The following FXR2 variants were observed in gnomAD, a reference collection of about 807,000 sequenced individuals.
FXR2 encodes the protein FMR1 autosomal homolog 2, also known as RNA-binding protein FXR2.
In FXR2, 9 loss-of-function variants were observed where a neutral mutation model predicts 87.3. The ratio of observed to expected loss-of-function variants is 0.10; its 90% CI spans 0.06 to 0.18. The LOEUF is 0.18. FXR2 is among the 10% of genes least tolerant of loss of function. The pLI is 1.00. For missense variants in FXR2, 661 were observed against 893.6 expected, an observed-to-expected ratio of 0.74 and a Z score of 3.32; for synonymous variants, 331 against 328.3, an observed-to-expected ratio of 1.01 and a Z score of -0.09.
chr17:7,602,117 T>C (rs2071761739), intron 6 of FXR2, among the ~76,000 whole-genome samples: 1 of 150,824 alleles, frequency 6.6e-6, no homozygotes, highest in Non-Finnish European at 1.5e-5. Flanking sequence ...AACATGATTA[T>C]CAGGTTTAAA....
At chr17:7,610,031 C>T (rs1214418714) in intron 1 of FXR2, among the ~76,000 whole-genome samples, 2 of 116,562 alleles carry the variant, frequency 1.7e-5, no homozygotes, top group African/African-American at 7.3e-5. Context: ...TATATGTATA[C>T]ATGTATGTAT....
intron 5 of FXR2, 56 bp from the exon 6 acceptor site, chr17:7,603,058 C>A (rs927398874): frequency 2.3e-6 from 2 of 858,174 alleles, no homozygotes; most frequent in Non-Finnish European, 3.9e-6. Flanking sequence ...GTGAAGAGTT[C>A]GGGGGAGGCT....
chr17:7,607,209 T>C (rs1310777673), intron 1 of FXR2, among the ~76,000 whole-genome samples: 1 of 151,680 alleles, frequency 6.6e-6, no homozygotes. Context: ...TCCCAGCTAT[T>C]TGGGAGGCTG....
Position 7,614,562 on chromosome 17 carries a change from C to A in FXR2, c.-30G>T, listed in dbSNP as rs1209295753. 1.4e-6 allele frequency: 2 copies of A among 1,403,750 alleles called. No homozygotes were observed. The highest frequency in any genetic ancestry group is 9.3e-7 in the Non-Finnish European group (1 of 1,069,638). The allele number at this position is 1,403,750 out of a possible 1,614,324, so 87.0% of individuals were successfully genotyped here. On this transcript the variant is annotated 5_prime_UTR_variant, in exon 1 of 17. Transcript: ENST00000250113. ...CCGCCACCGCCTCCGACTCCCCCGG[C>A]GGCGGCTGCAGCAGCAGTCTGAGTG...
Position 7,595,516 on chromosome 17 carries a change from G to A in FXR2, c.831+308C>T, listed in dbSNP as rs541415183. On this transcript the variant is annotated intron_variant, in intron 8 of 16. Transcript: ENST00000250113. This position sits in a 1 kb window ranked among gnomAD's most constrained non-coding sequence, Gnocchi z 4.7. ...AGGGTCTCTCTATGTTGTCCAGGTT[G>A]TTCTCCAACTCCCAGGCTCAAGTGA... 6.6e-6 allele frequency among the ~76,000 whole-genome samples: 1 copy of A among 151,876 alleles called. No homozygotes were observed. The highest frequency in any genetic ancestry group is 1.5e-5 in the Non-Finnish European group (1 of 67,968).
Position 7,614,589 on chromosome 17 carries a change from G to C in FXR2, c.-57C>G, listed in dbSNP as rs2071926240. 2.6e-6 allele frequency: 3 copies of C among 1,157,720 alleles called. No individual in the cohort carries two copies. The highest frequency in any genetic ancestry group is 2.1e-5 in the South Asian group (1 of 48,724). 71.7% of individuals were successfully genotyped at this position (1,157,720 alleles called of 1,614,324 possible). On this transcript the variant is annotated 5_prime_UTR_variant, in exon 1 of 17. Coordinates refer to ENST00000250113, the MANE Select transcript of FXR2 (RefSeq NM_004860.4). ...GCGGCTGCAGCAGCAGTCTGAGTGC[G>C]GGCCGGGCCAGGCCCCCGGCGTCTC... is the stretch of plus-strand genomic sequence containing the variant.
rs199635219 is a variant in FXR2 at position 7,593,049 on chromosome 17, C to T, written c.1463G>A (p.Arg488Gln). 21 of 1,583,048 alleles carry T rather than the reference C, an allele frequency of 1.3e-5. No homozygotes were observed. The highest frequency in any genetic ancestry group is 3.5e-5 in the South Asian group (3 of 86,672). The stretch of plus-strand genomic sequence containing the variant: ...GGGGGCAGGTGGGGGTCCCCTACCC[C>T]GGCCCCCAGTCGGCCGCCTCCGGCT... ...EESRRRPTGG[R>Q]GRGPPPAPRP... is the part of the protein sequence containing the mutation. The change falls in exon 13 of 17, where the codon CGG becomes CAG. Residue 488 changes from arginine (R) to glutamine (Q), a missense_variant. By Grantham distance (43) the Arg-to-Gln change is conservative. Transcript: ENST00000250113. The surrounding 1 kb of genome is among the most constrained non-coding windows in gnomAD (Gnocchi z 6.1).
chr17:7,613,054 G>T (rs2071887443), intron 1 of FXR2, among the ~76,000 whole-genome samples: 1 of 148,158 alleles, frequency 6.7e-6, no homozygotes, highest in Admixed American at 6.7e-5. Context: ...CTGAAGTACA[G>T]GCAGAAACCA....
intron 3 of FXR2, 66 bp downstream of exon 3, chr17:7,605,579 A>C: frequency 1.2e-6 from 1 of 843,518 alleles, no homozygotes; most frequent in South Asian, 1.5e-5. Context: ...ACATGAACCA[A>C]CCAGAGAAAA....
chr17:7,595,134 CAAAT>C lies in FXR2; in HGVS notation c.832-381_832-378del, dbSNP rs578172007. On this transcript the variant is annotated intron_variant, in intron 8 of 16. Coordinates refer to ENST00000250113, the MANE Select transcript of FXR2 (RefSeq NM_004860.4). The surrounding 1 kb of genome is among the most constrained non-coding windows in gnomAD (Gnocchi z 4.7). ...CATCTCATAAAAAAAAAAAATTAAACAAATAAATAACTTAAAAAAAAAAACAGAG... is the reference window on the plus strand; with the variant it reads ...CATCTCATAAAAAAAAAAAATTAAACAAATAACTTAAAAAAAAAAACAGAG... Among the ~76,000 whole-genome samples, 290 of 150,642 alleles carry C rather than the reference CAAAT, an allele frequency of 1.9e-3. 1 individual carries two copies. The highest frequency in any genetic ancestry group is 0.017 in the Middle Eastern group (5 of 292).
chr17:7,597,265 T>C (rs969354664), intron 7 of FXR2, among the ~76,000 whole-genome samples: 1 of 152,108 alleles, frequency 6.6e-6, no homozygotes, highest in Non-Finnish European at 1.5e-5. Context: ...ATAGAAACAA[T>C]ACCTGAAAGG....
chr17:7,614,073 T>G (rs1218509690), intron 1 of FXR2: 1 of 483,828 alleles, frequency 2.1e-6, no homozygotes. Flanking sequence ...CAATTCTCCA[T>G]GTGCTTGGAT....
At position 7,603,857 on chromosome 17, in the gene FXR2, C is replaced by G. The variant is rs763700933; in HGVS notation, c.349G>C (p.Val117Leu). The G allele has an allele frequency of 5.6e-6, 9 of 1,613,838 alleles. No individual in the cohort carries two copies. The South Asian group carries it at 7.7e-5, about 14-fold the overall frequency. The change falls in exon 5 of 17, where the codon GTT becomes CTT. Residue 117 changes from valine (V) to leucine (L), a missense_variant. Val to Leu is a conservative substitution (Grantham distance 32). Around this residue, in one of 3 missense-constraint regions of FXR2, gnomAD observed 170 missense variants for 247.2 expected, o/e 0.69. Transcript: ENST00000250113. The part of the protein sequence containing the change: ...AACDATYNEI[V>L]TLERLRPVNP... Reference sequence around the variant, plus strand: ...ACTGGCCGAAGTCGCTCCAGGGTAACAATTTCATTGTAGGTGGCATCACAG... The same window carrying G: ...ACTGGCCGAAGTCGCTCCAGGGTAAGAATTTCATTGTAGGTGGCATCACAG...
intron 1 of FXR2, among the ~76,000 whole-genome samples, chr17:7,610,022 A>G (rs1422724845): frequency 2.3e-5 from 3 of 131,364 alleles, no homozygotes; most frequent in African/African-American, 5.9e-5. Flanking sequence ...ATATACATGT[A>G]TATGTATACA....
rs1683337932 is a variant in FXR2 at position 7,593,832 on chromosome 17, C to CA, written c.1107+85dup. ...TTTCTGTTCTACACGGAGAGACAAA[C>CA]AGAGAACCAAAATCCCTGAGCTGAC... is the stretch of plus-strand genomic sequence containing the variant. On this transcript the variant is annotated intron_variant, in intron 11 of 16. Coordinates refer to ENST00000250113, the MANE Select transcript of FXR2 (RefSeq NM_004860.4). The surrounding 1 kb of genome is among the most constrained non-coding windows in gnomAD (Gnocchi z 6.1). 1.3e-5 allele frequency: 13 copies of CA among 972,842 alleles called. No individual in the cohort carries two copies. Among genetic ancestry groups the CA allele is most frequent in the Admixed American group, 3.7e-5 (2 of 53,452 alleles). 60.3% of individuals were successfully genotyped at this position (972,842 alleles called of 1,614,324 possible).
chr17:7,614,797 T>G lies in FXR2; in HGVS notation c.-265A>C. 6 of 190,530 alleles carry G rather than the reference T, an allele frequency of 3.1e-5. No individual in the cohort carries two copies. The highest frequency in any genetic ancestry group is 4.2e-5 in the Non-Finnish European group (4 of 95,042). The allele number at this position is 190,530 out of a possible 1,614,324, so 11.8% of individuals were successfully genotyped here. ...CCGCCGCTGCCTTCGTCACCTCAGC[T>G]TCCGCCCGCCGCCGCCCCCGCTGCT... On this transcript the variant is annotated 5_prime_UTR_variant, in exon 1 of 17. Coordinates refer to ENST00000250113, the MANE Select transcript of FXR2 (RefSeq NM_004860.4).
Position 7,594,250 on chromosome 17 carries a change from G to T in FXR2, c.1008C>A (p.Asn336Lys), listed in dbSNP as rs1459809421. ...CCCGTACCCATACCTCCTCCCTGGG[G>T]TTCTTCTTGTCATTATCACCTTCCA... ...VRVEGDNDKK[N>K]PREEGMVPFI... Residue 336 changes from asparagine to lysine, a missense_variant, in exon 10 of 17, where the codon AAC becomes AAA. Physicochemically the swap from Asn to Lys is moderately conservative, Grantham distance 94 (BLOSUM62 0). Transcript: ENST00000250113. The surrounding 1 kb of genome is among the most constrained non-coding windows in gnomAD (Gnocchi z 5.1). 4 of 1,592,934 alleles carry T rather than the reference G, an allele frequency of 2.5e-6. No homozygotes were observed. Among genetic ancestry groups the T allele is most frequent in the Non-Finnish European group, 3.4e-6 (4 of 1,160,976 alleles).
chr17:7,592,138 T>TC lies in FXR2; in HGVS notation c.1926+115dup, dbSNP rs1367729658. On this transcript the variant is annotated intron_variant, in intron 16 of 16. Coordinates refer to ENST00000250113, the MANE Select transcript of FXR2 (RefSeq NM_004860.4). This position sits in a 1 kb window ranked among gnomAD's most constrained non-coding sequence, Gnocchi z 4.8. ...ATTCAAAGTTTACACTGGTCTAAAC[T>TC]CCATCAGACACAGCTGCCTCTGCAA... 1.3e-6 allele frequency: 2 copies of TC among 1,530,864 alleles called. No individual in the cohort carries two copies. The highest frequency in any genetic ancestry group is 1.8e-6 in the Non-Finnish European group (2 of 1,138,696). 94.8% of individuals were successfully genotyped at this position (1,530,864 alleles called of 1,614,324 possible).
At chr17:7,608,830 TAAC>T (rs776053591) in intron 1 of FXR2, among the ~76,000 whole-genome samples, 7 of 152,336 alleles carry the variant, frequency 4.6e-5, no homozygotes, top group Non-Finnish European at 7.3e-5. Flanking sequence ...TGTCAAAACT[TAAC>T]AAATGGCACA....
Sources: gnomAD v4.1 joint callset for allele counts (sites outside exome capture counted in the v4.1 genomes callset) on GRCh38, gnomAD v4.1.1 for gene constraint, gnomAD v4.1.1 regional missense constraint, Gnocchi (gnomAD v3.1) non-coding constraint, MANE v1.5 for transcripts, NCBI Gene and HGNC (gene_info 2026-07-23, HGNC 2026-07-21) for gene names.